Variants in SUCLG2 observed in about 807,000 individuals in gnomAD.
The protein encoded by SUCLG2 is succinate--CoA ligase [GDP-forming] subunit beta, mitochondrial.
In SUCLG2, 42 loss-of-function variants were observed where a neutral mutation model predicts 47.9. The observed-to-expected ratio is 0.88, with a 90% CI of 0.69 to 1.14. SUCLG2 has a LOEUF of 1.14. Ranked by LOEUF, SUCLG2 falls within the 50% of genes most tolerant of loss-of-function variation. The pLI, the probability that SUCLG2 is intolerant of heterozygous loss-of-function variation, is 0.00. For synonymous variants in SUCLG2, 195 were observed against 197.3 expected (o/e 0.99, Z 0.10); for missense variants, 571 against 525.9 (o/e 1.09, Z -0.84).
intron 2 of SUCLG2, among the ~76,000 whole-genome samples, chr3:67,582,876 A>G (rs1030279258): frequency 1.4e-4 from 22 of 152,044 alleles, no homozygotes; most frequent in Non-Finnish European, 2.1e-4. Flanking sequence ...CCCACCAAAA[A>G]AAACACCTTT....
intron 1 of SUCLG2, among the ~76,000 whole-genome samples, chr3:67,624,674 G>A (rs1045516100): frequency 6.6e-6 from 1 of 152,180 alleles, no homozygotes; most frequent in African/African-American, 2.4e-5. Context: ...TAGCCAGGGA[G>A]GGGGAGAGGG....
At chr3:67,559,574 G>C (rs1707253386) in intron 2 of SUCLG2, among the ~76,000 whole-genome samples, 3 of 152,142 alleles carry the variant, frequency 2.0e-5, no homozygotes, top group Admixed American at 2.0e-4. Flanking sequence ...CCTCCATACA[G>C]GGAGGGGACT....
chr3:67,458,466 T>C (rs928792127), intron 9 of SUCLG2, among the ~76,000 whole-genome samples: 1 of 152,188 alleles, frequency 6.6e-6, no homozygotes, highest in Non-Finnish European at 1.5e-5. Context: ...ACACAGCAGT[T>C]CCATTTCTCA....
intron 2 of SUCLG2, among the ~76,000 whole-genome samples, chr3:67,533,968 A>G (rs1706470723): frequency 6.6e-6 from 1 of 151,284 alleles, no homozygotes; most frequent in South Asian, 2.1e-4. Flanking sequence ...CCATTTCACC[A>G]TTGGTCACAT....
rs183535979 is a variant in SUCLG2, at chr3:67,398,873, G to A, written c.1183+1858C>T. ...ATGATGAGTTCATGTCCTTTGTAGG[G>A]ACATGGATGAAACTGGAAATCGTCA... On this transcript the variant is annotated intron_variant, in intron 10 of 10. Coordinates refer to ENST00000307227, the MANE Select transcript of SUCLG2 (RefSeq NM_003848.4). 3.8e-3 allele frequency among the ~76,000 whole-genome samples: 574 copies of A among 152,124 alleles called. 4 individuals are homozygous for A. Among genetic ancestry groups the A allele is most frequent in the African/African-American group, 0.013 (553 of 41,488 alleles).
chr3:67,427,987 C>A (rs542637501), intron 9 of SUCLG2, among the ~76,000 whole-genome samples: 3 of 152,306 alleles, frequency 2.0e-5, no homozygotes, highest in South Asian at 4.1e-4. Flanking sequence ...GGGTGGAGCC[C>A]ACTGCAGCTC....
intron 1 of SUCLG2, among the ~76,000 whole-genome samples, chr3:67,650,649 C>T (rs1234695504): frequency 2.0e-5 from 3 of 152,034 alleles, no homozygotes; most frequent in Non-Finnish European, 4.4e-5. Flanking sequence ...ACCAGCTACT[C>T]AGGAAGCCGA....
chr3:67,415,097 C>T (rs747103666), intron 9 of SUCLG2, among the ~76,000 whole-genome samples: 4 of 152,166 alleles, frequency 2.6e-5, no homozygotes. Flanking sequence ...CTCAAGTGAT[C>T]CTCCTGTTTA....
At chr3:67,571,068 C>G (rs924884142) in intron 2 of SUCLG2, among the ~76,000 whole-genome samples, 3 of 152,128 alleles carry the variant, frequency 2.0e-5, no homozygotes, top group African/African-American at 7.2e-5. Flanking sequence ...TGTATCTACC[C>G]TAAACAGAGT....
intron 9 of SUCLG2, among the ~76,000 whole-genome samples, chr3:67,473,258 C>T (rs1382932017): frequency 1.3e-5 from 2 of 152,158 alleles, no homozygotes; most frequent in Non-Finnish European, 2.9e-5. Context: ...CAGCCCACTA[C>T]AGCCTTGACC....
chr3:67,441,524 C>T (rs543276822), intron 9 of SUCLG2, among the ~76,000 whole-genome samples: 2 of 152,136 alleles, frequency 1.3e-5, no homozygotes, highest in Non-Finnish European at 1.5e-5. Flanking sequence ...GACTGCATCC[C>T]TAACCAACAG....
intron 1 of SUCLG2, among the ~76,000 whole-genome samples, chr3:67,641,166 T>C (rs778800699): frequency 6.6e-6 from 1 of 152,208 alleles, no homozygotes; most frequent in Non-Finnish European, 1.5e-5. Flanking sequence ...CTGTGCCCCT[T>C]TCCTTGGGAT....
chr3:67,508,332 T>G (rs980675605), intron 7 of SUCLG2, among the ~76,000 whole-genome samples: 3 of 152,120 alleles, frequency 2.0e-5, no homozygotes, highest in Non-Finnish European at 2.9e-5. Context: ...TGGCTCCCAT[T>G]TCTACACAAA....
At chr3:67,386,553 C>T (rs1261705796) in intron 10 of SUCLG2, among the ~76,000 whole-genome samples, 1 of 152,156 alleles carries the variant, frequency 6.6e-6, no homozygotes, top group Non-Finnish European at 1.5e-5. Flanking sequence ...GAGGAGGCCT[C>T]ACAATCGTGG....
chr3:67,503,487 C>T (rs934629716), intron 7 of SUCLG2, among the ~76,000 whole-genome samples: 1 of 152,154 alleles, frequency 6.6e-6, no homozygotes, highest in Non-Finnish European at 1.5e-5. Context: ...ATGTCTATGT[C>T]AACAGCAGGG....
intron 9 of SUCLG2, among the ~76,000 whole-genome samples, chr3:67,426,535 T>C (rs1201258847): frequency 6.6e-6 from 1 of 152,180 alleles, no homozygotes; most frequent in East Asian, 1.9e-4. Context: ...GTAAAGAACA[T>C]ACTTACCATA....
At chr3:67,560,612 T>C (rs1380570066) in intron 2 of SUCLG2, among the ~76,000 whole-genome samples, 2 of 152,142 alleles carry the variant, frequency 1.3e-5, no homozygotes, top group Non-Finnish European at 2.9e-5. Flanking sequence ...TGAGGTACAA[T>C]GTACAAGTCT....
At chr3:67,434,681 T>C (rs1282176937) in intron 9 of SUCLG2, among the ~76,000 whole-genome samples, 1 of 152,164 alleles carries the variant, frequency 6.6e-6, no homozygotes, top group East Asian at 1.9e-4. Flanking sequence ...GGGAGAAGGG[T>C]AGATGGCAGT....
chr3:67,619,110 C>T (rs946836519), intron 1 of SUCLG2, among the ~76,000 whole-genome samples: 1 of 152,214 alleles, frequency 6.6e-6, no homozygotes, highest in African/African-American at 2.4e-5. Flanking sequence ...TATCCAGAAA[C>T]TGGATCACAG....
Sources: allele counts gnomAD v4.1 joint callset (sites outside exome capture counted in the v4.1 genomes callset), GRCh38; gene constraint gnomAD v4.1.1; transcripts MANE v1.5; gene names NCBI Gene and HGNC (gene_info 2026-07-23, HGNC 2026-07-21).